BCAP29: variants seen among roughly 807,000 people sequenced by gnomAD.
The protein encoded by BCAP29 is B cell receptor associated protein 29.
A neutral mutation model predicts 31.8 loss-of-function variants in BCAP29; 34 were observed. The observed-to-expected ratio is 1.07, with a 90% confidence interval of 0.81 to 1.42. The LOEUF is 1.42. Ranked by LOEUF, BCAP29 falls within the 40% of genes most tolerant of loss-of-function variation. The probability of loss-of-function intolerance (pLI) is 0.00; values close to 1 mark genes in which losing one functional copy is unlikely to be tolerated. For synonymous variants in BCAP29, 104 were observed against 91.3 expected (o/e 1.14, Z -0.79); for missense variants, 314 against 269.2 (o/e 1.17, Z -1.16).
intron 3 of BCAP29, among the ~76,000 whole-genome samples, chr7:107,592,430 A>C (rs1280213763): frequency 1.3e-5 from 2 of 152,234 alleles, no homozygotes; most frequent in Non-Finnish European, 2.9e-5. Flanking sequence ...CAAAAATATA[A>C]TAACAAGTGT....
At chr7:107,615,178 A>G (rs1813890195) in intron 7 of BCAP29, 1 of 456,506 alleles carries the variant, frequency 2.2e-6, no homozygotes, top group African/African-American at 2.0e-5. Context: ...GGTAACAGCC[A>G]TTGGTTCTCT....
rs539608829 is a variant in BCAP29 at position 107,607,081 on chromosome 7, G to A, written c.590-6251G>A. Among the ~76,000 whole-genome samples the A allele has an allele frequency of 8.1e-4, 124 of 152,282 alleles. 1 individual carries two copies. The highest frequency in any genetic ancestry group is 2.8e-3 in the African/African-American group (116 of 41,562). On this transcript the variant is annotated intron_variant, in intron 6 of 7. Coordinates refer to ENST00000005259, the MANE Select transcript of BCAP29 (RefSeq NM_018844.4). ...TGTAATCCCAGCACTTTGGGAGGCCGGGGCAGGTGGATCATTTGAGCTCAG... is the reference window on the plus strand; with the variant it reads ...TGTAATCCCAGCACTTTGGGAGGCCAGGGCAGGTGGATCATTTGAGCTCAG...
At chr7:107,590,706 C>A (rs1808555367) in intron 3 of BCAP29, among the ~76,000 whole-genome samples, 2 of 151,832 alleles carry the variant, frequency 1.3e-5, no homozygotes, top group South Asian at 2.1e-4. Flanking sequence ...GTAGTCCCAG[C>A]TACTCAAAAG....
intron 6 of BCAP29, among the ~76,000 whole-genome samples, chr7:107,610,128 A>G (rs1324514112): frequency 6.6e-6 from 1 of 152,258 alleles, no homozygotes; most frequent in Non-Finnish European, 1.5e-5. Context: ...TTTGCTTACT[A>G]TGTGTCACTG....
chr7:107,595,843 C>A, intron 4 of BCAP29, 24 bp from the exon 5 acceptor site: 1 of 1,590,146 alleles, frequency 6.3e-7, no homozygotes, highest in Non-Finnish European at 8.5e-7. Flanking sequence ...GCCAGTAATA[C>A]ATTATTCTGG....
At chr7:107,591,805 T>G (rs566249165) in intron 3 of BCAP29, among the ~76,000 whole-genome samples, 1 of 152,046 alleles carries the variant, frequency 6.6e-6, no homozygotes, top group Non-Finnish European at 1.5e-5. Flanking sequence ...AATCAAGTAT[T>G]TGTTTTATTT....
At position 107,583,926 on chromosome 7, in the gene BCAP29, CT is replaced by C; in HGVS notation, c.142del (p.Trp48GlyfsTer12). On this transcript the variant is annotated frameshift_variant, in exon 3 of 8. Coordinates refer to ENST00000005259, the MANE Select transcript of BCAP29 (RefSeq NM_018844.4). LOFTEE classifies it high-confidence loss of function. ...FSFNVWGKIA[T>X]FWNKAFLTII... ...TTTAATGTCTGGGGTAAAATTGCAA[CT>C]TTTTGGAACAAGGCTTTCCTTACCA... is the stretch of plus-strand genomic sequence containing the variant. 5 of 1,587,114 alleles carry C rather than the reference CT, an allele frequency of 3.2e-6. No homozygotes were observed. The highest frequency in any genetic ancestry group is 1.7e-5 in the Admixed American group (1 of 57,368).
intron 6 of BCAP29, among the ~76,000 whole-genome samples, chr7:107,611,590 A>C (rs1311844972): frequency 6.6e-6 from 1 of 152,186 alleles, no homozygotes; most frequent in Non-Finnish European, 1.5e-5. Flanking sequence ...TCATATTTTC[A>C]AGTAGCCTCT....
chr7:107,603,870 C>T (rs1027089625), intron 6 of BCAP29, among the ~76,000 whole-genome samples: 9 of 151,976 alleles, frequency 5.9e-5, no homozygotes, highest in African/African-American at 1.9e-4. Context: ...TCCAAAAACG[C>T]TGGGATTACA....
At chr7:107,594,723 C>T (rs75106268) in intron 4 of BCAP29, among the ~76,000 whole-genome samples, 1 of 151,958 alleles carries the variant, frequency 6.6e-6, no homozygotes, top group Non-Finnish European at 1.5e-5. Context: ...AGGATGGTCT[C>T]GATCTCCTGA....
chr7:107,622,579 A>G (rs1346117892), downstream of BCAP29: 1 of 152,300 alleles, frequency 6.6e-6, no homozygotes, highest in African/African-American at 2.4e-5. Flanking sequence ...AGCACTTACT[A>G]CCATCTGAAA....
At chr7:107,610,912 C>CGT (rs1813005405) in intron 6 of BCAP29, among the ~76,000 whole-genome samples, 1 of 152,170 alleles carries the variant, frequency 6.6e-6, no homozygotes, top group African/African-American at 2.4e-5. Context: ...ACCTGACCAA[C>CGT]TGTCTTAATA....
chr7:107,610,826 TA>T (rs1812990056), intron 6 of BCAP29, among the ~76,000 whole-genome samples: 1 of 152,226 alleles, frequency 6.6e-6, no homozygotes, highest in Non-Finnish European at 1.5e-5. Flanking sequence ...TTAAATTTAT[TA>T]AATAACTTCT....
intron 6 of BCAP29, among the ~76,000 whole-genome samples, chr7:107,602,042 A>T (rs1330965338): frequency 3.3e-5 from 5 of 152,340 alleles, no homozygotes; most frequent in African/African-American, 1.2e-4. Flanking sequence ...TTAAAAGACA[A>T]AATCAGATTT....
intron 4 of BCAP29, 22 bp downstream of exon 4, chr7:107,594,127 A>C (rs780643254): frequency 1.9e-6 from 3 of 1,562,376 alleles, no homozygotes; most frequent in Non-Finnish European, 2.6e-6. Flanking sequence ...ATAATAATAG[A>C]AGCACAATTT....
chr7:107,589,282 A>G (rs949968165), intron 3 of BCAP29, among the ~76,000 whole-genome samples: 10 of 152,156 alleles, frequency 6.6e-5, no homozygotes, highest in African/African-American at 2.4e-4. Context: ...CTTCATTTCT[A>G]TTATTATTAC....
chr7:107,619,290 A>C lies in BCAP29; in HGVS notation c.*927A>C, dbSNP rs1397597552. On this transcript the variant is annotated 3_prime_UTR_variant, in exon 8 of 8. Transcript: ENST00000005259. ...CAATGTTTCTGTATTCTGAAAGCTA[A>C]ATATTAAGTACTATTTTTCCATTCA... The C allele has an allele frequency of 3.3e-5, 5 of 152,512 alleles. No individual in the cohort carries two copies. The highest frequency in any genetic ancestry group is 6.6e-5 in the Admixed American group (1 of 15,260). The allele number at this position is 152,512 out of a possible 1,614,324, so 9.4% of individuals were successfully genotyped here.
At chr7:107,620,734 A>G (rs1027101069), downstream of BCAP29, 3 of 152,154 alleles carry the variant, frequency 2.0e-5, no homozygotes, top group Admixed American at 6.6e-5. Context: ...GTCCAGCTCT[A>G]TCTTGGACCC....
At chr7:107,609,531 G>C (rs931976954) in intron 6 of BCAP29, among the ~76,000 whole-genome samples, 15 of 152,212 alleles carry the variant, frequency 9.9e-5, no homozygotes, top group African/African-American at 3.6e-4. Flanking sequence ...TTTATCAACA[G>C]ATGGGTGTGA....
Sources: allele counts gnomAD v4.1 joint callset (sites outside exome capture counted in the v4.1 genomes callset), GRCh38; gene constraint gnomAD v4.1.1; transcripts MANE v1.5; gene names NCBI Gene and HGNC (gene_info 2026-07-23, HGNC 2026-07-21).